UPK1B: variants seen among roughly 807,000 people sequenced by gnomAD.
UPK1B encodes the protein uroplakin 1B, also known as uroplakin-1b.
Under a neutral mutation model 34.2 loss-of-function variants are expected in UPK1B, and 28 were observed. That is an observed-to-expected ratio of 0.82 (90% CI 0.61 to 1.12). The LOEUF (loss-of-function observed/expected upper bound fraction) is 1.12. Ranked by LOEUF, UPK1B falls within the 50% of genes most tolerant of loss-of-function variation. UPK1B has a pLI of 0.00. For synonymous variants in UPK1B, 81 were observed against 110.4 expected (o/e 0.73, Z 1.67); for missense variants, 325 against 320.9 (o/e 1.01, Z -0.10).
chr3:119,177,390 G>A (rs1314097017), intron 1 of UPK1B, among the ~76,000 whole-genome samples: 1 of 152,170 alleles, frequency 6.6e-6, no homozygotes, highest in Non-Finnish European at 1.5e-5. Flanking sequence ...AGAAGGCTGG[G>A]TTAAGAGTTA....
At chr3:119,199,269 G>A in intron 7 of UPK1B, 129 bp downstream of exon 7, 2 of 1,015,332 alleles carry the variant, frequency 2.0e-6, no homozygotes, top group South Asian at 1.6e-5. Context: ...GGCTAGTCAG[G>A]AAACTTCTGG....
chr3:119,173,605 G>C lies in UPK1B; in HGVS notation c.-62G>C, dbSNP rs535465596. The C allele has an allele frequency of 6.6e-6, 1 of 152,230 alleles. No homozygotes were observed. The highest frequency in any genetic ancestry group is 1.5e-5 in the Non-Finnish European group (1 of 68,070). 9.4% of individuals were successfully genotyped at this position (152,230 alleles called of 1,614,324 possible). ...CTGGGTCGGGTGCAGACTGCGGAGC[G>C]GGCCCTACCGTGTGCGCAGAAAGAG... On this transcript the variant is annotated 5_prime_UTR_variant, in exon 1 of 8. Transcript: ENST00000264234.
intron 3 of UPK1B, among the ~76,000 whole-genome samples, chr3:119,189,953 C>T (rs2078036644): frequency 1.3e-5 from 2 of 152,332 alleles, no homozygotes; most frequent in African/African-American, 4.8e-5. Context: ...TGCACACATA[C>T]ACACCAGTTC....
intron 4 of UPK1B, 92 bp downstream of exon 4, chr3:119,190,411 C>T (rs1185774728): frequency 1.1e-5 from 9 of 856,204 alleles, no homozygotes; most frequent in Non-Finnish European, 1.7e-5. Context: ...CCAGGCAATC[C>T]AATATGCACA....
chr3:119,179,926 G>A (rs948889448), intron 1 of UPK1B, among the ~76,000 whole-genome samples: 10 of 144,606 alleles, frequency 6.9e-5, no homozygotes, highest in Non-Finnish European at 1.5e-5. Flanking sequence ...AGCCTCCTGA[G>A]TAGCTGGGAT....
intron 5 of UPK1B, among the ~76,000 whole-genome samples, chr3:119,193,336 T>TG (rs2078052087): frequency 6.6e-6 from 1 of 152,264 alleles, no homozygotes; most frequent in Non-Finnish European, 1.5e-5. Flanking sequence ...AAATTGTATA[T>TG]CCTTTAAAGA....
Position 119,194,410 on chromosome 3 carries a change from C to T in UPK1B, c.648+12C>T. The T allele has an allele frequency of 6.3e-7, 1 of 1,594,358 alleles. No homozygotes were observed. The highest frequency in any genetic ancestry group is 8.5e-7 in the Non-Finnish European group (1 of 1,172,474). On this transcript the variant is annotated intron_variant, in intron 6 of 7. Coordinates refer to ENST00000264234, the MANE Select transcript of UPK1B (RefSeq NM_006952.4). ...TTTATCACAATCAGGTGAGTCCTCT[C>T]TCCTCCCAAGACTTCCCAGGAGGTT...
At chr3:119,189,583 C>T (rs1464941879) in intron 3 of UPK1B, among the ~76,000 whole-genome samples, 1 of 152,252 alleles carries the variant, frequency 6.6e-6, no homozygotes, top group African/African-American at 2.4e-5. Flanking sequence ...ACCACCACTA[C>T]CACACACAGC....
chr3:119,190,886 T>G (rs1305176123), intron 4 of UPK1B, 96 bp from the exon 5 acceptor site: 23 of 1,531,924 alleles, frequency 1.5e-5, no homozygotes, highest in Non-Finnish European at 2.0e-5. Context: ...GGAGAGAATG[T>G]TCAGTGTCCC....
At chr3:119,180,428 C>A (rs2077984242) in intron 1 of UPK1B, among the ~76,000 whole-genome samples, 1 of 152,194 alleles carries the variant, frequency 6.6e-6, no homozygotes, top group Non-Finnish European at 1.5e-5. Context: ...TGATACTGAC[C>A]AAACACCATA....
chr3:119,183,597 T>C (rs1235996539), intron 1 of UPK1B, among the ~76,000 whole-genome samples: 1 of 152,068 alleles, frequency 6.6e-6, no homozygotes, highest in East Asian at 1.9e-4. Flanking sequence ...AGACAACAGC[T>C]TCTCCCCCTA....
At chr3:119,181,418 T>C (rs1265813596) in intron 1 of UPK1B, among the ~76,000 whole-genome samples, 3 of 152,230 alleles carry the variant, frequency 2.0e-5, no homozygotes, top group Non-Finnish European at 2.9e-5. Context: ...AAAATTAGTA[T>C]TGGGTAACTA....
At chr3:119,191,407 A>G (rs2078043688) in intron 5 of UPK1B, among the ~76,000 whole-genome samples, 1 of 152,184 alleles carries the variant, frequency 6.6e-6, no homozygotes, top group Non-Finnish European at 1.5e-5. Context: ...GCCAAGGACC[A>G]GGCCCTATAT....
At chr3:119,190,443 T>C in intron 4 of UPK1B, 124 bp downstream of exon 4, 1 of 609,528 alleles carries the variant, frequency 1.6e-6, no homozygotes, top group Non-Finnish European at 2.8e-6. Flanking sequence ...TCTATCATTT[T>C]ACTTAATCCT....
At chr3:119,196,174 T>G (rs562737725) in intron 6 of UPK1B, among the ~76,000 whole-genome samples, 2 of 152,292 alleles carry the variant, frequency 1.3e-5, no homozygotes, top group South Asian at 4.1e-4. Flanking sequence ...TCTGCTCCTT[T>G]GACATAATCT....
At position 119,177,388 on chromosome 3, in the gene UPK1B, G is replaced by T. The variant is rs574616390; in HGVS notation, c.-29+3750G>T. 5.3e-5 allele frequency among the ~76,000 whole-genome samples: 8 copies of T among 152,276 alleles called. 1 individual carries two copies. In the South Asian group the frequency reaches 1.7e-3, roughly 32 times the overall value. ...TTAGTGACAAACCCCATAGAAGGCT[G>T]GGTTAAGAGTTAGGAAACCTGGACT... On this transcript the variant is annotated intron_variant, in intron 1 of 7. Transcript: ENST00000264234.
intron 1 of UPK1B, among the ~76,000 whole-genome samples, chr3:119,179,497 A>T (rs2077978065): frequency 1.1e-4 from 9 of 85,108 alleles, no homozygotes; most frequent in South Asian, 3.6e-4. Flanking sequence ...GGAAGAGTTG[A>T]TGTTGCAGTC....
intron 2 of UPK1B, 106 bp from the exon 3 acceptor site, chr3:119,187,669 T>A (rs771081583): frequency 5.0e-5 from 61 of 1,219,988 alleles, no homozygotes; most frequent in Non-Finnish European, 7.1e-5. Context: ...ATTAGTTGCA[T>A]AAAGCCTGTG....
chr3:119,184,598 C>T (rs950128454), intron 1 of UPK1B, among the ~76,000 whole-genome samples: 19 of 148,820 alleles, frequency 1.3e-4, no homozygotes, highest in African/African-American at 4.0e-4. Flanking sequence ...TGGCGGTGGG[C>T]ACCTGTAGTC....
Sources: allele counts gnomAD v4.1 joint callset (sites outside exome capture counted in the v4.1 genomes callset), GRCh38; gene constraint gnomAD v4.1.1; transcripts MANE v1.5; gene names NCBI Gene and HGNC (gene_info 2026-07-23, HGNC 2026-07-21).